The following PHF24 variants were observed in gnomAD, a reference collection of about 807,000 sequenced individuals.
PHF24 encodes PHD finger protein 24.
A neutral mutation model predicts 42.6 loss-of-function variants in PHF24; 25 were observed. The ratio of observed to expected loss-of-function variants is 0.59; its 90% CI spans 0.43 to 0.82. The LOEUF (loss-of-function observed/expected upper bound fraction) is 0.82, where lower values mean the gene tolerates loss of function less well. Ranked by LOEUF, PHF24 falls within the 40% of genes least tolerant of loss-of-function variation. PHF24 has a pLI of 0.00. For missense variants in PHF24, 470 were observed against 538.1 expected, an observed-to-expected ratio of 0.87 and a Z score of 1.25; for synonymous variants, 185 against 204.8, an observed-to-expected ratio of 0.90 and a Z score of 0.83.
chr9:34,738,635 C>T, the PHF24 span, among the ~76,000 whole-genome samples: 4 of 152,174 alleles, frequency 2.6e-5, no homozygotes, highest in Non-Finnish European at 4.4e-5. Flanking sequence ...TGTAAGCCAC[C>T]ACGCCCTGCC....
chr9:34,680,715 A>ATAAATAAAT, the PHF24 span, among the ~76,000 whole-genome samples: 1 of 109,642 alleles, frequency 9.1e-6, no homozygotes. Context: ...AATAAAAAAA[A>ATAAATAAAT]AAATAAAATA....
the PHF24 span, among the ~76,000 whole-genome samples, chr9:34,668,622 A>G: frequency 2.6e-5 from 4 of 152,244 alleles, no homozygotes; most frequent in African/African-American, 9.6e-5. Flanking sequence ...GGGAAAGTCA[A>G]GCTGGGAATT....
At chr9:34,720,859 A>C in the PHF24 span, among the ~76,000 whole-genome samples, 266 of 152,012 alleles carry the variant, frequency 1.7e-3, 1 homozygote, top group Middle Eastern at 6.8e-3. Context: ...CTTTTCACCC[A>C]CCTATGTACT....
the PHF24 span, among the ~76,000 whole-genome samples, chr9:34,915,636 A>G: frequency 1.3e-5 from 2 of 152,206 alleles, no homozygotes; most frequent in African/African-American, 4.8e-5. Flanking sequence ...CAGACATGGA[A>G]CATGTGGACA....
chr9:34,863,503 G>A, the PHF24 span, among the ~76,000 whole-genome samples: 1 of 152,130 alleles, frequency 6.6e-6, no homozygotes, highest in Non-Finnish European at 1.5e-5. Flanking sequence ...TCTCTGCCTG[G>A]TAATCCAGAG....
intron 2 of PHF24, 51 bp downstream of exon 2, chr9:34,971,727 A>C: frequency 1.3e-6 from 2 of 1,532,362 alleles, no homozygotes; most frequent in Non-Finnish European, 1.8e-6. Context: ...ATCAGGGAGC[A>C]GGACAGGGAA....
chr9:34,866,535 A>G, the PHF24 span, among the ~76,000 whole-genome samples: 1 of 152,208 alleles, frequency 6.6e-6, no homozygotes, highest in Non-Finnish European at 1.5e-5. Context: ...TGAAAAACCA[A>G]CAGAACCAGG....
chr9:34,974,839 C>G (rs981456961), intron 3 of PHF24, among the ~76,000 whole-genome samples: 1 of 152,162 alleles, frequency 6.6e-6, no homozygotes, highest in Non-Finnish European at 1.5e-5. Flanking sequence ...TCTTCCTCCA[C>G]TCCTTATCTC....
chr9:34,942,200 G>C, the PHF24 span, among the ~76,000 whole-genome samples: 1 of 152,162 alleles, frequency 6.6e-6, no homozygotes, highest in African/African-American at 2.4e-5. Context: ...ACCTACTGCA[G>C]AACCCTTTTC....
At chr9:34,672,586 C>A in the PHF24 span, among the ~76,000 whole-genome samples, 8 of 152,040 alleles carry the variant, frequency 5.3e-5, no homozygotes, top group African/African-American at 1.9e-4. Flanking sequence ...TCTGCAGGGT[C>A]GTGAGGTGTG....
At chr9:34,738,986 A>T in the PHF24 span, among the ~76,000 whole-genome samples, 4 of 152,306 alleles carry the variant, frequency 2.6e-5, no homozygotes, top group East Asian at 7.7e-4. Context: ...CCTGAGTTTG[A>T]GTACTGTTTC....
At chr9:34,880,972 C>G in the PHF24 span, among the ~76,000 whole-genome samples, 12 of 152,172 alleles carry the variant, frequency 7.9e-5, no homozygotes, top group African/African-American at 2.9e-4. Flanking sequence ...GCACACTCCT[C>G]AGCAAATGTA....
At chr9:34,887,803 C>T in the PHF24 span, among the ~76,000 whole-genome samples, 1 of 152,236 alleles carries the variant, frequency 6.6e-6, no homozygotes, top group South Asian at 2.1e-4. Flanking sequence ...GGCATGCTCC[C>T]AACGTAAGTT....
At chr9:34,870,134 C>T in the PHF24 span, among the ~76,000 whole-genome samples, 4 of 151,896 alleles carry the variant, frequency 2.6e-5, no homozygotes, top group South Asian at 6.2e-4. Flanking sequence ...TGCCCCCACC[C>T]CAGCAAAACC....
At chr9:34,849,246 G>A in the PHF24 span, among the ~76,000 whole-genome samples, 1 of 152,020 alleles carries the variant, frequency 6.6e-6, no homozygotes, top group Non-Finnish European at 1.5e-5. Flanking sequence ...AAGTCTCTTT[G>A]TAGGTCACTC....
the PHF24 span, among the ~76,000 whole-genome samples, chr9:34,694,989 G>A: frequency 3.3e-5 from 5 of 152,112 alleles, no homozygotes; most frequent in African/African-American, 1.2e-4. Flanking sequence ...AAAATCCTTG[G>A]AATCTTGGGA....
chr9:34,764,783 T>G, the PHF24 span, among the ~76,000 whole-genome samples: 17 of 152,284 alleles, frequency 1.1e-4, no homozygotes, highest in African/African-American at 4.1e-4. Context: ...TTCTTTTAAT[T>G]GTGATGTTAG....
the PHF24 span, among the ~76,000 whole-genome samples, chr9:34,880,072 A>C: frequency 6.6e-6 from 1 of 152,238 alleles, no homozygotes; most frequent in African/African-American, 2.4e-5. Context: ...AAGAATTTTC[A>C]ACCCAGAATT....
At chr9:34,690,013 G>A in the PHF24 span, 1 of 1,613,950 alleles carries the variant, frequency 6.2e-7, no homozygotes, top group Non-Finnish European at 8.5e-7. Context: ...CGGCCCCTCA[G>A]TGTGGTGAAC....
Sources: gnomAD v4.1 joint callset for allele counts (sites outside exome capture counted in the v4.1 genomes callset) on GRCh38, gnomAD v4.1.1 for gene constraint, MANE v1.5 for transcripts, NCBI Gene and HGNC (gene_info 2026-07-23, HGNC 2026-07-21) for gene names.